Variants in SGCG observed in about 807,000 individuals in gnomAD.
SGCG encodes sarcoglycan gamma, also known as gamma-sarcoglycan.
A neutral mutation model predicts 29.3 loss-of-function variants in SGCG; 26 were observed. That is an observed-to-expected ratio of 0.89 (90% CI 0.65 to 1.23). SGCG has a LOEUF of 1.23. Among genes scored for constraint, SGCG ranks in the 50% most tolerant of loss-of-function variants. SGCG has a pLI of 0.00. For missense variants in SGCG, 353 were observed against 356.0 expected, an observed-to-expected ratio of 0.99 and a Z score of 0.07; for synonymous variants, 145 against 129.7, an observed-to-expected ratio of 1.12 and a Z score of -0.80.
intron 3 of SGCG, among the ~76,000 whole-genome samples, chr13:23,240,319 C>A (rs1879459613): frequency 6.6e-6 from 1 of 152,118 alleles, no homozygotes; most frequent in Non-Finnish European, 1.5e-5. Context: ...CATCAATATA[C>A]ATGAAGCAAA....
Position 23,324,875 on chromosome 13 carries a change from G to A in SGCG, c.*334G>A. ...CACACTGAGTGTTGAGTTGCCGTGT[G>A]GAGTTAATGTATGACGCTCCACTGT... is the stretch of plus-strand genomic sequence containing the variant. On this transcript the variant is annotated 3_prime_UTR_variant, in exon 8 of 8. Transcript: ENST00000218867. The A allele has an allele frequency of 2.7e-6, 1 of 374,004 alleles. No homozygotes were observed. The highest frequency in any genetic ancestry group is 2.1e-5 in the South Asian group (1 of 47,482). 23.2% of individuals were successfully genotyped at this position (374,004 alleles called of 1,614,324 possible).
intron 1 of SGCG, among the ~76,000 whole-genome samples, chr13:23,181,346 G>A (rs17310310): frequency 0.21 from 32,270 of 151,980 alleles, 4,075 homozygotes; most frequent in East Asian, 0.32. Flanking sequence ...AATGCCAAAG[G>A]TAGCATTTCT....
chr13:23,225,570 T>G (rs1394222076), intron 2 of SGCG, among the ~76,000 whole-genome samples: 1 of 152,182 alleles, frequency 6.6e-6, no homozygotes, highest in Non-Finnish European at 1.5e-5. Flanking sequence ...GAGCAGGCTT[T>G]TCTGTCATTT....
At chr13:23,229,990 C>G (rs925748048) in intron 2 of SGCG, among the ~76,000 whole-genome samples, 1 of 152,126 alleles carries the variant, frequency 6.6e-6, no homozygotes, top group Non-Finnish European at 1.5e-5. Context: ...TCCAGTTTCA[C>G]TCTTCTGCAT....
chr13:23,271,229 T>A (rs7316965), intron 4 of SGCG, among the ~76,000 whole-genome samples: 16,008 of 151,926 alleles, frequency 0.11, 1,014 homozygotes, highest in African/African-American at 0.16. Flanking sequence ...GAAAAAAAAG[T>A]CCATCTTTAA....
chr13:23,272,534 G>T (rs575511399), intron 4 of SGCG, among the ~76,000 whole-genome samples: 2 of 152,062 alleles, frequency 1.3e-5, no homozygotes, highest in Non-Finnish European at 2.9e-5. Context: ...GTGGTGTTGC[G>T]CTGTGCTTCT....
chr13:23,249,855 A>G (rs1879893474), intron 3 of SGCG, among the ~76,000 whole-genome samples: 1 of 152,220 alleles, frequency 6.6e-6, no homozygotes, highest in South Asian at 2.1e-4. Context: ...AAATATGGTA[A>G]TAGTTTACCT....
chr13:23,216,151 C>T (rs972774970), intron 2 of SGCG, among the ~76,000 whole-genome samples: 2 of 152,092 alleles, frequency 1.3e-5, no homozygotes, highest in Middle Eastern at 3.2e-3. Flanking sequence ...TGACCTAGTG[C>T]AAATCTCACG....
chr13:23,182,901 G>A (rs1876800758), intron 1 of SGCG, among the ~76,000 whole-genome samples: 1 of 152,226 alleles, frequency 6.6e-6, no homozygotes, highest in South Asian at 2.1e-4. Context: ...AAGGATCACT[G>A]CAGTTGACAT....
intron 5 of SGCG, among the ~76,000 whole-genome samples, chr13:23,288,242 G>A (rs1334577953): frequency 3.3e-5 from 5 of 152,144 alleles, no homozygotes; most frequent in East Asian, 1.9e-4. Context: ...GAAAAGAGAC[G>A]GGCAGCCTCA....
At chr13:23,290,891 G>A (rs1389511510) in intron 5 of SGCG, among the ~76,000 whole-genome samples, 1 of 152,182 alleles carries the variant, frequency 6.6e-6, no homozygotes, top group Non-Finnish European at 1.5e-5. Flanking sequence ...GAACAACTTA[G>A]AGTTATTTGC....
chr13:23,270,429 G>A (rs754359863), intron 4 of SGCG, among the ~76,000 whole-genome samples: 2 of 152,130 alleles, frequency 1.3e-5, no homozygotes, highest in Non-Finnish European at 2.9e-5. Flanking sequence ...GTAATGATGA[G>A]TGTGTTTGAA....
intron 6 of SGCG, among the ~76,000 whole-genome samples, chr13:23,304,997 TCACACA>T (rs5802228): frequency 0.087 from 13,160 of 151,696 alleles, 651 homozygotes; most frequent in South Asian, 0.13. Flanking sequence ...GTGCACGTGC[TCACACA>T]CACACACACA....
At chr13:23,166,022 C>T in the SGCG span, among the ~76,000 whole-genome samples, 1 of 152,078 alleles carries the variant, frequency 6.6e-6, no homozygotes, top group Non-Finnish European at 1.5e-5. Context: ...AATCTATGTG[C>T]CTTTTATTTC....
intron 6 of SGCG, among the ~76,000 whole-genome samples, chr13:23,312,810 A>C (rs879621854): frequency 1.1e-4 from 10 of 88,938 alleles, no homozygotes; most frequent in Non-Finnish European, 2.2e-4. Context: ...TGTTTTTCCA[A>C]ATGTGACATT....
the SGCG span, among the ~76,000 whole-genome samples, chr13:23,162,271 G>A: frequency 5.9e-5 from 9 of 152,050 alleles, no homozygotes; most frequent in Non-Finnish European, 1.2e-4. Context: ...TGTTATCTTA[G>A]GAATGGTTTT....
chr13:23,305,026 C>T (rs1343555520), intron 6 of SGCG, among the ~76,000 whole-genome samples: 2 of 152,004 alleles, frequency 1.3e-5, no homozygotes, highest in Admixed American at 1.3e-4. Context: ...AGACTTTGTA[C>T]ATCATTGAAC....
intron 3 of SGCG, among the ~76,000 whole-genome samples, chr13:23,249,411 T>C (rs1274217526): frequency 6.6e-6 from 1 of 152,234 alleles, no homozygotes; most frequent in African/African-American, 2.4e-5. Flanking sequence ...GGCAGCTATT[T>C]CTACCTTTAA....
chr13:23,215,657 C>A (rs914715835), intron 2 of SGCG, among the ~76,000 whole-genome samples: 4 of 151,916 alleles, frequency 2.6e-5, no homozygotes, highest in Non-Finnish European at 5.9e-5. Flanking sequence ...TGAAAAAGTA[C>A]CTGCTACCCT....
Sources: allele counts gnomAD v4.1 joint callset (sites outside exome capture counted in the v4.1 genomes callset), GRCh38; gene constraint gnomAD v4.1.1; transcripts MANE v1.5; gene names NCBI Gene and HGNC (gene_info 2026-07-23, HGNC 2026-07-21).